The following PARD3B variants were observed in gnomAD, a reference collection of about 807,000 sequenced individuals.
The protein encoded by PARD3B is partitioning defective 3 homolog B.
A neutral mutation model predicts 130.2 loss-of-function variants in PARD3B; 103 were observed. The ratio of observed to expected loss-of-function variants is 0.79; its 90% CI spans 0.67 to 0.93. PARD3B has a LOEUF of 0.93. PARD3B is among the 40% of genes least tolerant of loss of function. The pLI is 0.00. For missense variants in PARD3B, 1,609 were observed against 1,499.2 expected (o/e 1.07, Z -1.21); for synonymous variants, 583 against 553.2 (o/e 1.05, Z -0.76).
chr2:204,752,019 T>C (rs971892373), intron 2 of PARD3B, among the ~76,000 whole-genome samples: 1 of 152,162 alleles, frequency 6.6e-6, no homozygotes, highest in Non-Finnish European at 1.5e-5. Flanking sequence ...TTACTAGATA[T>C]TTGCTTCACA....
chr2:205,124,188 A>T, intron 8 of PARD3B, 139 bp from the exon 9 acceptor site: 1 of 723,050 alleles, frequency 1.4e-6, no homozygotes, highest in Non-Finnish European at 2.0e-6. Context: ...AAATAACTGA[A>T]GCATATTTAA....
intron 18 of PARD3B, among the ~76,000 whole-genome samples, chr2:205,342,974 T>C (rs1015934814): frequency 4.6e-5 from 7 of 152,202 alleles, no homozygotes; most frequent in Non-Finnish European, 8.8e-5. Context: ...TTTACCAATT[T>C]GGCAACACAG....
rs138125395 is a variant in PARD3B at position 205,436,927 on chromosome 2, A to G, written c.2742-3443A>G. The stretch of plus-strand genomic sequence containing the variant: ...TGAAGTTTTTTTTTTTTAAGGTGGG[A>G]GACCTGCTCAGGGGAAATATCTCTC... On this transcript the variant is annotated intron_variant, in intron 19 of 22. Coordinates refer to ENST00000406610, the MANE Select transcript of PARD3B (RefSeq NM_001302769.2). Among the ~76,000 whole-genome samples, 346 of 151,464 alleles carry G rather than the reference A, an allele frequency of 2.3e-3. 1 individual carries two copies. The highest frequency in any genetic ancestry group is 8.1e-3 in the African/African-American group (333 of 41,236).
At chr2:205,017,566 A>AGCC (rs1559358711) in intron 3 of PARD3B, among the ~76,000 whole-genome samples, 3 of 152,156 alleles carry the variant, frequency 2.0e-5, no homozygotes, top group Non-Finnish European at 4.4e-5. Flanking sequence ...TTCTGAGAAC[A>AGCC]TCTGCCCAGC....
chr2:204,693,236 C>T (rs1232572521), intron 2 of PARD3B, among the ~76,000 whole-genome samples: 2 of 151,998 alleles, frequency 1.3e-5, no homozygotes, highest in Non-Finnish European at 2.9e-5. Context: ...CTTTGAATTT[C>T]CACAGCTACC....
intron 16 of PARD3B, among the ~76,000 whole-genome samples, chr2:205,256,048 C>T (rs2040068279): frequency 6.6e-6 from 1 of 152,070 alleles, no homozygotes; most frequent in Non-Finnish European, 1.5e-5. Flanking sequence ...GTTCATCAGT[C>T]ATCTTATTAA....
chr2:205,413,836 A>G (rs1240673302), intron 19 of PARD3B, among the ~76,000 whole-genome samples: 1 of 152,172 alleles, frequency 6.6e-6, no homozygotes, highest in Non-Finnish European at 1.5e-5. Context: ...GTTGTTTTCA[A>G]ATTGGGCTTG....
intron 1 of PARD3B, among the ~76,000 whole-genome samples, chr2:204,681,873 C>G (rs1292782956): frequency 6.6e-6 from 1 of 152,192 alleles, no homozygotes; most frequent in Non-Finnish European, 1.5e-5. Flanking sequence ...TTGTAATTCT[C>G]TATCTAATTT....
At chr2:205,503,605 A>G (rs908823308) in intron 21 of PARD3B, among the ~76,000 whole-genome samples, 2 of 152,076 alleles carry the variant, frequency 1.3e-5, no homozygotes, top group Non-Finnish European at 2.9e-5. Context: ...GTCAGGTAGC[A>G]TGATGCCTCC....
chr2:204,931,280 C>A (rs1289102131), intron 2 of PARD3B, among the ~76,000 whole-genome samples: 3 of 151,960 alleles, frequency 2.0e-5, no homozygotes, highest in African/African-American at 7.2e-5. Context: ...GTTCAGTTTC[C>A]TTGTTTGTGA....
chr2:205,489,166 A>G (rs573761274), intron 20 of PARD3B, among the ~76,000 whole-genome samples: 6 of 152,224 alleles, frequency 3.9e-5, no homozygotes, highest in African/African-American at 1.4e-4. Flanking sequence ...CGTATTAAAC[A>G]CTTGATAAGT....
At chr2:205,114,838 C>T (rs1028411632) in intron 6 of PARD3B, among the ~76,000 whole-genome samples, 1 of 151,650 alleles carries the variant, frequency 6.6e-6, no homozygotes, top group African/African-American at 2.4e-5. Flanking sequence ...AAAAAGCTAG[C>T]AACTCTTATT....
intron 21 of PARD3B, among the ~76,000 whole-genome samples, chr2:205,537,988 T>C (rs2051939926): frequency 6.6e-6 from 1 of 152,204 alleles, no homozygotes; most frequent in Non-Finnish European, 1.5e-5. Context: ...CGTGTTTCTC[T>C]GCTTGCCTAT....
Position 205,300,098 on chromosome 2 carries a change from C to T in PARD3B, c.2186-432C>T, listed in dbSNP as rs1038550075. Among the ~76,000 whole-genome samples the T allele has an allele frequency of 5.9e-5, 9 of 152,070 alleles. No individual in the cohort carries two copies. Among genetic ancestry groups the T allele is most frequent in the South Asian group, 2.1e-4 (1 of 4,816 alleles). ...AGGACGATACTGGAAGAGAAGCTCTCGTCATGTTAGGTGCTTGGTATGTTT... is the reference window on the plus strand; with the variant it reads ...AGGACGATACTGGAAGAGAAGCTCTTGTCATGTTAGGTGCTTGGTATGTTT... On this transcript the variant is annotated intron_variant, in intron 16 of 22. Coordinates refer to ENST00000406610, the MANE Select transcript of PARD3B (RefSeq NM_001302769.2). The surrounding 1 kb of genome is among the most constrained non-coding windows in gnomAD (Gnocchi z 4.1).
chr2:204,744,140 G>A (rs1004381572), intron 2 of PARD3B, among the ~76,000 whole-genome samples: 4 of 152,114 alleles, frequency 2.6e-5, no homozygotes, highest in Non-Finnish European at 5.9e-5. Context: ...GAGAACAACT[G>A]AATTGTAAAA....
At chr2:205,236,947 A>G (rs1257693132) in intron 15 of PARD3B, among the ~76,000 whole-genome samples, 1 of 151,292 alleles carries the variant, frequency 6.6e-6, no homozygotes, top group African/African-American at 2.5e-5. Context: ...GAGAATTATA[A>G]AGTACAACAT....
At chr2:205,548,590 GCT>G (rs1468400023) in intron 21 of PARD3B, among the ~76,000 whole-genome samples, 1 of 152,080 alleles carries the variant, frequency 6.6e-6, no homozygotes, top group Non-Finnish European at 1.5e-5. Context: ...TCAGGTTTAT[GCT>G]CTTACAATCT....
intron 18 of PARD3B, among the ~76,000 whole-genome samples, chr2:205,319,382 C>T (rs2042671443): frequency 6.6e-6 from 1 of 152,224 alleles, no homozygotes; most frequent in Non-Finnish European, 1.5e-5. Flanking sequence ...GATGGGCCAT[C>T]TCTAGAACAC....
In PARD3B at chr2:205,275,751, C is replaced by T. The variant is rs528949102; in HGVS notation, c.2186-24779C>T. Among the ~76,000 whole-genome samples, 5 of 146,756 alleles carry T rather than the reference C, an allele frequency of 3.4e-5. No homozygotes were observed. In the East Asian group the frequency reaches 6.2e-4, roughly 18 times the overall value. ...ACTCGGGAGGCTGAGGCAAGAGAATCGCTTGAACCTGGGAGGCGGAGGTTG... is the reference window on the plus strand; with the variant it reads ...ACTCGGGAGGCTGAGGCAAGAGAATTGCTTGAACCTGGGAGGCGGAGGTTG... On this transcript the variant is annotated intron_variant, in intron 16 of 22. Coordinates refer to ENST00000406610, the MANE Select transcript of PARD3B (RefSeq NM_001302769.2).
Sources: allele counts gnomAD v4.1 joint callset (sites outside exome capture counted in the v4.1 genomes callset), GRCh38; gene constraint gnomAD v4.1.1; non-coding constraint Gnocchi (gnomAD v3.1); transcripts MANE v1.5; gene names NCBI Gene and HGNC (gene_info 2026-07-23, HGNC 2026-07-21).